CGRRF1: variants seen among roughly 807,000 people sequenced by gnomAD.
CGRRF1 encodes cell growth regulator with RING finger domain protein 1.
A neutral mutation model predicts 37.2 loss-of-function variants in CGRRF1; 32 were observed. That is an observed-to-expected ratio of 0.86 (90% CI 0.65 to 1.16). The LOEUF is 1.16. CGRRF1 is among the 50% of genes most tolerant of loss of function. CGRRF1 has a pLI of 0.00. For synonymous variants in CGRRF1, 141 were observed against 140.3 expected (o/e 1.00, Z -0.04); for missense variants, 391 against 382.6 (o/e 1.02, Z -0.18).
At position 54,534,299 on chromosome 14, in the gene CGRRF1, A is replaced by T. The variant is rs536289949; in HGVS notation, c.570+3249A>T. Among the ~76,000 whole-genome samples the T allele has an allele frequency of 1.3e-3, 190 of 151,954 alleles. 1 individual carries two copies. The highest frequency in any genetic ancestry group is 4.5e-3 in the African/African-American group (188 of 41,458). On this transcript the variant is annotated intron_variant, in intron 4 of 5. Coordinates refer to ENST00000216420, the MANE Select transcript of CGRRF1 (RefSeq NM_006568.3). Reference sequence around the variant, plus strand: ...ACCACCACGCCCAGTTAATTTTTGTATTTTTAGTAGAGATGGTGTTTCACC... The same window carrying T: ...ACCACCACGCCCAGTTAATTTTTGTTTTTTTAGTAGAGATGGTGTTTCACC...
intron 4 of CGRRF1, among the ~76,000 whole-genome samples, chr14:54,533,219 G>T (rs1176913468): frequency 6.6e-6 from 1 of 151,872 alleles, no homozygotes; most frequent in African/African-American, 2.4e-5. Flanking sequence ...TGTGTTTTCA[G>T]TTCAGTGGCC....
chr14:54,512,248 T>C (rs2032141398), intron 1 of CGRRF1, among the ~76,000 whole-genome samples: 1 of 152,206 alleles, frequency 6.6e-6, no homozygotes, highest in Non-Finnish European at 1.5e-5. Flanking sequence ...TTCCACTGTT[T>C]GCCATGTCTG....
At chr14:54,517,975 T>C (rs1046643629) in intron 1 of CGRRF1, among the ~76,000 whole-genome samples, 5 of 152,260 alleles carry the variant, frequency 3.3e-5, no homozygotes, top group Non-Finnish European at 5.9e-5. Context: ...TATGGCTGCA[T>C]AGTATTCTGT....
At position 54,538,259 on chromosome 14, in the gene CGRRF1, C is replaced by G; in HGVS notation, c.875C>G (p.Thr292Arg). The change falls in exon 6 of 6, where the codon ACA (threonine) becomes AGA (arginine). Residue 292 changes from threonine (T) to arginine (R), a missense_variant. By Grantham distance (71) the Thr-to-Arg change is moderately conservative. Transcript: ENST00000216420. ...TGGGTACTCTTACCATGCAGACACA[C>G]ATGCCTGTGTGATGGCTGTGTGAAG... is the stretch of plus-strand genomic sequence containing the variant. ...VNWVLLPCRHTCLCDGCVKYF... is the reference protein window; with the variant it reads ...VNWVLLPCRHRCLCDGCVKYF... 6.2e-7 allele frequency: 1 copy of G among 1,614,200 alleles called. No homozygotes were observed. The highest frequency in any genetic ancestry group is 8.5e-7 in the Non-Finnish European group (1 of 1,180,010).
chr14:54,511,095 G>T (rs2032122540), intron 1 of CGRRF1, among the ~76,000 whole-genome samples: 1 of 152,240 alleles, frequency 6.6e-6, no homozygotes, highest in South Asian at 2.1e-4. Flanking sequence ...GAACATGTTA[G>T]TGAATAAAGA....
At chr14:54,533,168 A>T (rs1251472623) in intron 4 of CGRRF1, among the ~76,000 whole-genome samples, 1 of 150,868 alleles carries the variant, frequency 6.6e-6, no homozygotes, top group Non-Finnish European at 1.5e-5. Flanking sequence ...AAATATATAT[A>T]TTTTATATAT....
intron 1 of CGRRF1, among the ~76,000 whole-genome samples, chr14:54,517,687 T>A (rs902146011): frequency 3.3e-5 from 5 of 152,166 alleles, no homozygotes; most frequent in African/African-American, 1.2e-4. Context: ...TAGGTAAATG[T>A]GTGCCATGGT....
At chr14:54,517,267 A>G (rs2032232617) in intron 1 of CGRRF1, among the ~76,000 whole-genome samples, 1 of 152,102 alleles carries the variant, frequency 6.6e-6, no homozygotes, top group South Asian at 2.1e-4. Flanking sequence ...ATATTTTTGT[A>G]TTCCTCTAAA....
At chr14:54,536,690 C>G (rs2032606367) in intron 4 of CGRRF1, 10 of 151,912 alleles carry the variant, frequency 6.6e-5, no homozygotes, top group Admixed American at 6.6e-4. Context: ...GCCCATTTTT[C>G]TATAGGATTT....
intron 1 of CGRRF1, among the ~76,000 whole-genome samples, chr14:54,511,359 C>CA (rs2032127859): frequency 6.6e-6 from 1 of 152,090 alleles, no homozygotes; most frequent in Non-Finnish European, 1.5e-5. Flanking sequence ...CAATCTTACA[C>CA]AATTGGTTAT....
At chr14:54,524,924 C>G (rs146631504) in intron 2 of CGRRF1, among the ~76,000 whole-genome samples, 219 of 152,142 alleles carry the variant, frequency 1.4e-3, no homozygotes, top group Non-Finnish European at 2.6e-3. Context: ...AGTGTACACC[C>G]AGCTACCAGC....
At chr14:54,537,669 G>A (rs1314024536) in intron 4 of CGRRF1, 53 bp from the exon 5 acceptor site, 10 of 1,392,532 alleles carry the variant, frequency 7.2e-6, no homozygotes, top group South Asian at 1.9e-5. Flanking sequence ...TCATATATTT[G>A]TGAAATAATA....
In CGRRF1 at chr14:54,539,196, G is replaced by A. The variant is rs2032652199; in HGVS notation, c.*813G>A. 1 of 152,158 alleles carries A rather than the reference G, an allele frequency of 6.6e-6. No homozygotes were observed. The highest frequency in any genetic ancestry group is 2.1e-4 in the South Asian group (1 of 4,834). 9.4% of individuals were successfully genotyped at this position (152,158 alleles called of 1,614,324 possible). A position where few individuals can be genotyped will look rare whatever the true frequency, so the allele number is the denominator to read the frequency against. On this transcript the variant is annotated 3_prime_UTR_variant, in exon 6 of 6. Transcript: ENST00000216420. Reference sequence around the variant, plus strand: ...TCCAGAACTGAGGTGGGAGGTGGAGGTTATAGAGCTAGAAAAATCACTAAA... The same window carrying A: ...TCCAGAACTGAGGTGGGAGGTGGAGATTATAGAGCTAGAAAAATCACTAAA...
intron 2 of CGRRF1, among the ~76,000 whole-genome samples, chr14:54,528,813 T>C (rs2032459390): frequency 1.3e-5 from 2 of 152,186 alleles, no homozygotes; most frequent in South Asian, 4.1e-4. Context: ...TTAAAATTTT[T>C]CCTTAAGTAT....
At chr14:54,526,030 G>T (rs564902149) in intron 2 of CGRRF1, among the ~76,000 whole-genome samples, 157 of 152,080 alleles carry the variant, frequency 1.0e-3, no homozygotes, top group Admixed American at 2.3e-3. Flanking sequence ...CTGGGAGGTT[G>T]AGGCTGCAGT....
intron 1 of CGRRF1, among the ~76,000 whole-genome samples, chr14:54,514,427 C>T (rs922538303): frequency 4.0e-5 from 6 of 151,864 alleles, no homozygotes; most frequent in Admixed American, 1.3e-4. Context: ...TATTTTATAA[C>T]GTTGAGATTT....
In CGRRF1 at chr14:54,538,222, G is replaced by C; in HGVS notation, c.838G>C (p.Gly280Arg). Residue 280 changes from glycine (G) to arginine (R), a missense_variant, in exon 6 of 6, where the codon GGG (glycine) becomes CGG (arginine). By Grantham distance (125) the Gly-to-Arg change is moderately radical. Transcript: ENST00000216420. Reference protein sequence around the residue: ...NSKDCVVCQNGTVNWVLLPCR... With the variant: ...NSKDCVVCQNRTVNWVLLPCR... ...CAAGGACTGTGTTGTTTGCCAGAAT[G>C]GGACTGTGAACTGGGTACTCTTACC... The C allele has an allele frequency of 6.2e-7, 1 of 1,614,224 alleles. No homozygotes were observed. The highest frequency in any genetic ancestry group is 1.3e-5 in the African/African-American group (1 of 75,056).
chr14:54,514,826 A>T (rs2032189142), intron 1 of CGRRF1, among the ~76,000 whole-genome samples: 1 of 152,210 alleles, frequency 6.6e-6, no homozygotes, highest in African/African-American at 2.4e-5. Flanking sequence ...GTCATAATTT[A>T]AAATAATTTC....
chr14:54,510,337 A>G, intron 1 of CGRRF1: 1 of 472,604 alleles, frequency 2.1e-6, no homozygotes, highest in East Asian at 4.1e-5. Context: ...TTTCTAGGCG[A>G]TAAAGCAGCC....
Sources: gnomAD v4.1 joint callset for allele counts (sites outside exome capture counted in the v4.1 genomes callset) on GRCh38, gnomAD v4.1.1 for gene constraint, MANE v1.5 for transcripts, NCBI Gene and HGNC (gene_info 2026-07-23, HGNC 2026-07-21) for gene names.